Variants in ARHGAP11A observed in about 807,000 individuals in gnomAD.
ARHGAP11A encodes Rho GTPase activating protein 11A.
ARHGAP11A carries 36 observed loss-of-function variants against 60.5 expected under a neutral mutation model. The ratio of observed to expected loss-of-function variants is 0.59; its 90% CI spans 0.46 to 0.79. The LOEUF is 0.79. Ranked by LOEUF, ARHGAP11A falls within the 30% of genes least tolerant of loss-of-function variation. The pLI is 0.00. For missense variants in ARHGAP11A, 1,071 were observed against 1,199.2 expected (o/e 0.89, Z 1.58); for synonymous variants, 362 against 415.5 (o/e 0.87, Z 1.57).
rs2053790654 is a variant in ARHGAP11A at position 32,639,123 on chromosome 15, A to G, written c.*1278A>G. On this transcript the variant is annotated 3_prime_UTR_variant, in exon 12 of 12. Transcript: ENST00000361627. ...TTGTCAAGTAAATCTGTCTAAATTT[A>G]TATTTTAAATTATTACAAATTACAC... is the stretch of plus-strand genomic sequence containing the variant. The G allele has an allele frequency of 6.5e-6, 1 of 152,692 alleles. No homozygotes were observed. Among genetic ancestry groups the G allele is most frequent in the South Asian group, 2.1e-4 (1 of 4,834 alleles). The allele number at this position is 152,692 out of a possible 1,614,324, so 9.5% of individuals were successfully genotyped here. A position where few individuals can be genotyped will look rare whatever the true frequency, so the allele number is the denominator to read the frequency against.
Position 32,635,784 on chromosome 15 carries a change from G to A in ARHGAP11A, c.1352G>A (p.Cys451Tyr). ...LGKNGREVNG[C>Y]SGVNRYESVG... ...TTTTTTTTTTCTGTACAGAATGGATGTTCTGGTGTCAATAGATATGAAAGT... is the reference window on the plus strand; with the variant it reads ...TTTTTTTTTTCTGTACAGAATGGATATTCTGGTGTCAATAGATATGAAAGT... The change falls in exon 11 of 12, where the codon TGT (cysteine) becomes TAT (tyrosine). Residue 451 changes from cysteine to tyrosine, a missense_variant. By Grantham distance (194) the Cys-to-Tyr change is radical. Around this residue, in one of 4 missense-constraint regions of ARHGAP11A, gnomAD observed 776 missense variants for 760.2 expected, o/e 1.02. Transcript: ENST00000361627. 3 of 1,599,834 alleles carry A rather than the reference G, an allele frequency of 1.9e-6. No homozygotes were observed. The highest frequency in any genetic ancestry group is 2.6e-6 in the Non-Finnish European group (3 of 1,174,634).
rs1054490935 is a variant in ARHGAP11A at position 32,637,416 on chromosome 15, C to G, written c.2643C>G (p.Ser881=). 1 of 1,614,108 alleles carries G rather than the reference C, an allele frequency of 6.2e-7. No individual in the cohort carries two copies. The highest frequency in any genetic ancestry group is 8.5e-7 in the Non-Finnish European group (1 of 1,179,998). The stretch of plus-strand genomic sequence containing the variant: ...CAGTGAGCTGTGACGGTGCTCTTTC[C>G]TCTTGTATAGAAAGTGCATCAAAAG... ...VKSVSCDGAL[S]SCIESASKDS... is the part of the protein sequence containing the mutation. The change falls in exon 12 of 12, where the codon TCC becomes TCG. Residue 881 remains serine, a synonymous_variant. Transcript: ENST00000361627.
rs769682763 is a variant in ARHGAP11A, at chr15:32,636,549, C to T, written c.1776C>T (p.Thr592=). ...TTAGCGGGGATGAAAATAACATGAC[C>T]AAAGAGACTTTGGTGAAAGTTCAAA... is the stretch of plus-strand genomic sequence containing the variant. ...SPLSGDENNM[T]KETLVKVQKA... Residue 592 remains threonine, a synonymous_variant, in exon 12 of 12, where the codon ACC becomes ACT. Transcript: ENST00000361627. The T allele has an allele frequency of 1.2e-5, 20 of 1,613,928 alleles. No individual in the cohort carries two copies. Among genetic ancestry groups the T allele is most frequent in the Non-Finnish European group, 1.7e-5 (20 of 1,179,974 alleles).
chr15:32,626,749 TG>T (rs1322708782), intron 6 of ARHGAP11A, among the ~76,000 whole-genome samples: 5 of 152,266 alleles, frequency 3.3e-5, no homozygotes, highest in African/African-American at 1.2e-4. Flanking sequence ...TGCCTCTTCC[TG>T]GCTCCTGGTA....
At chr15:32,631,712 G>T in intron 8 of ARHGAP11A, among the ~76,000 whole-genome samples, 1 of 152,118 alleles carries the variant, frequency 6.6e-6, no homozygotes, top group Non-Finnish European at 1.5e-5. Context: ...GTCTCGCTCT[G>T]TCTCCCAGGC....
rs776718156 is a variant in ARHGAP11A, at chr15:32,636,606, C to T, written c.1833C>T (p.His611=). 22 of 1,613,906 alleles carry T rather than the reference C, an allele frequency of 1.4e-5. No homozygotes were observed. Among genetic ancestry groups the T allele is most frequent in the African/African-American group, 2.7e-5 (2 of 74,888 alleles). ...TTTCTGAATCTGGAAGTAATCTTCA[C>T]GCATTGATGAATCAGAGGCAGTCAT... ...KAFSESGSNL[H]ALMNQRQSSV... The change falls in exon 12 of 12, where the codon CAC becomes CAT. Residue 611 remains histidine, a synonymous_variant. Coordinates refer to ENST00000361627, the MANE Select transcript of ARHGAP11A (RefSeq NM_014783.6).
rs1047528786 is a variant in ARHGAP11A, at chr15:32,637,079, G to C, written c.2306G>C (p.Cys769Ser). ...TCCTCTTTCTCACAGCAGAGTACAT[G>C]TGTTGTAACAAACTTGTCAAAACCT... ...ARSSFSQQSTCVVTNLSKPRP... is the reference protein window; with the variant it reads ...ARSSFSQQSTSVVTNLSKPRP... Residue 769 changes from cysteine (C) to serine (S), a missense_variant, in exon 12 of 12, where the codon TGT becomes TCT. By Grantham distance (112) the Cys-to-Ser change is moderately radical. This residue lies in a region of ARHGAP11A where 776 missense variants were observed against 760.2 expected (regional missense o/e 1.02). Coordinates refer to ENST00000361627, the MANE Select transcript of ARHGAP11A (RefSeq NM_014783.6). 6.2e-7 allele frequency: 1 copy of C among 1,613,880 alleles called. No individual in the cohort carries two copies. Among genetic ancestry groups the C allele is most frequent in the Non-Finnish European group, 8.5e-7 (1 of 1,180,040 alleles).
chr15:32,632,996 T>C lies in ARHGAP11A; in HGVS notation c.1123T>C (p.Ser375Pro). Residue 375 changes from serine to proline, a missense_variant, in exon 9 of 12, where the codon TCA becomes CCA. By Grantham distance (74) the Ser-to-Pro change is moderately conservative. This residue lies in a region of ARHGAP11A where 776 missense variants were observed against 760.2 expected (regional missense o/e 1.02). Transcript: ENST00000361627. Reference protein sequence around the residue: ...TPVSVHIDTSSEGSSQSSLSP... With the variant: ...TPVSVHIDTSPEGSSQSSLSP... The stretch of plus-strand genomic sequence containing the variant: ...TTTTGTAGTTCACATCGATACAAGC[T>C]CAGAAGGGTCATCTCAGAGTTCACT... 2 of 1,613,698 alleles carry C rather than the reference T, an allele frequency of 1.2e-6. No individual in the cohort carries two copies. The highest frequency in any genetic ancestry group is 1.7e-6 in the Non-Finnish European group (2 of 1,179,730).
In ARHGAP11A at chr15:32,637,750, C is replaced by A. The variant is rs375059268; in HGVS notation, c.2977C>A (p.Pro993Thr). ...SGINNRVLRRPSERGRAWYKG... is the reference protein window; with the variant it reads ...SGINNRVLRRTSERGRAWYKG... ...GATAAATAACAGGGTCCTTAGGAGACCATCAGAAAGAGGAAGGGCCTGGTA... is the reference window on the plus strand; with the variant it reads ...GATAAATAACAGGGTCCTTAGGAGAACATCAGAAAGAGGAAGGGCCTGGTA... Residue 993 changes from proline (P) to threonine (T), a missense_variant, in exon 12 of 12, where the codon CCA becomes ACA. By Grantham distance (38) the Pro-to-Thr change is conservative. Around this residue, in one of 4 missense-constraint regions of ARHGAP11A, gnomAD observed 776 missense variants for 760.2 expected, o/e 1.02. Coordinates refer to ENST00000361627, the MANE Select transcript of ARHGAP11A (RefSeq NM_014783.6). 4.3e-6 allele frequency: 7 copies of A among 1,613,894 alleles called. No homozygotes were observed. Among genetic ancestry groups the A allele is most frequent in the Non-Finnish European group, 5.9e-6 (7 of 1,179,980 alleles).
At chr15:32,619,914 C>T (rs1054766391) in intron 1 of ARHGAP11A, among the ~76,000 whole-genome samples, 194 bp from the exon 2 acceptor site, 14 of 152,092 alleles carry the variant, frequency 9.2e-5, no homozygotes, top group African/African-American at 2.9e-4. Flanking sequence ...ACTCCCAGCA[C>T]TCAGCATACT....
rs62001773 is a variant in ARHGAP11A, at chr15:32,637,636, G to T, written c.2863G>T (p.Asp955Tyr). ...TTVYKQKILS[D>Y]GQVKVPLDDL... ...AGTTTATAAACAGAAGATCTTATCT[G>T]ATGGCCAAGTTAAGGTTCCCTTGGA... The change falls in exon 12 of 12, where the codon GAT becomes TAT. Residue 955 changes from aspartate (D) to tyrosine (Y), a missense_variant. Physicochemically the swap from Asp to Tyr is radical, Grantham distance 160. Around this residue, in one of 4 missense-constraint regions of ARHGAP11A, gnomAD observed 776 missense variants for 760.2 expected, o/e 1.02. Coordinates refer to ENST00000361627, the MANE Select transcript of ARHGAP11A (RefSeq NM_014783.6). The T allele has an allele frequency of 6.2e-7, 1 of 1,614,158 alleles. No homozygotes were observed. Among genetic ancestry groups the T allele is most frequent in the Admixed American group, 1.7e-5 (1 of 60,026 alleles).
chr15:32,628,534 A>C (rs1202237859), intron 6 of ARHGAP11A, among the ~76,000 whole-genome samples, 194 bp from the exon 7 acceptor site: 1 of 152,164 alleles, frequency 6.6e-6, no homozygotes, highest in African/African-American at 2.4e-5. Flanking sequence ...GGGATATGGA[A>C]GTATAAGTGG....
chr15:32,625,201 G>A lies in ARHGAP11A; in HGVS notation c.673G>A (p.Ala225Thr), dbSNP rs2053429735. 6.2e-7 allele frequency: 1 copy of A among 1,613,800 alleles called. No homozygotes were observed. The highest frequency in any genetic ancestry group is 1.3e-5 in the African/African-American group (1 of 75,004). Reference sequence around the variant, plus strand: ...CACAGAAAAGAAGCTACGATTACAGGCTGCAGTAGTACAGACTCTTATCGA... The same window carrying A: ...CACAGAAAAGAAGCTACGATTACAGACTGCAGTAGTACAGACTCTTATCGA... ...SNTEKKLRLQAAVVQTLIDYA... is the reference protein window; with the variant it reads ...SNTEKKLRLQTAVVQTLIDYA... Residue 225 changes from alanine to threonine, a missense_variant, in exon 5 of 12, where the codon GCT becomes ACT. Ala to Thr is a moderately conservative substitution (Grantham distance 58). Transcript: ENST00000361627.
At chr15:32,633,875 C>T (rs11632524) in intron 9 of ARHGAP11A, 58 bp from the exon 10 acceptor site, 725,877 of 1,019,970 alleles carry the variant, frequency 0.71, 259,984 homozygotes, top group Admixed American at 0.76. Flanking sequence ...TTTCGTATTT[C>T]AAGTATTTCT....
chr15:32,632,692 G>A (rs2053612284), intron 8 of ARHGAP11A: 1 of 209,212 alleles, frequency 4.8e-6, no homozygotes, highest in Admixed American at 5.4e-5. Flanking sequence ...AGTCTGCAAT[G>A]GTGCCTATCC....
At chr15:32,616,541 A>G (rs980910428) in intron 1 of ARHGAP11A, among the ~76,000 whole-genome samples, 2 of 152,194 alleles carry the variant, frequency 1.3e-5, no homozygotes, top group Non-Finnish European at 2.9e-5. Context: ...GATCATTGAG[A>G]GAAAGTTGCA....
intron 6 of ARHGAP11A, 63 bp downstream of exon 6, chr15:32,625,696 A>G: frequency 6.4e-7 from 1 of 1,561,232 alleles, no homozygotes; most frequent in Non-Finnish European, 8.7e-7. Context: ...TACATTTCAC[A>G]TAAAGAAGCA....
chr15:32,621,620 TC>T (rs2053310352), intron 2 of ARHGAP11A, among the ~76,000 whole-genome samples: 1 of 152,284 alleles, frequency 6.6e-6, no homozygotes, highest in Admixed American at 6.5e-5. Flanking sequence ...GGTCAGGAGA[TC>T]CAGACCTTCC....
In ARHGAP11A at chr15:32,634,061, A is replaced by T; in HGVS notation, c.1344+20A>T. The T allele has an allele frequency of 1.3e-6, 2 of 1,508,710 alleles. No homozygotes were observed. The highest frequency in any genetic ancestry group is 1.8e-6 in the Non-Finnish European group (2 of 1,102,162). 93.5% of individuals were successfully genotyped at this position (1,508,710 alleles called of 1,614,324 possible). Reference sequence around the variant, plus strand: ...GAAGTAGTAAGTTTCTTACCATTTTATTGATCTTTATATTAGCATAACGCT... The same window carrying T: ...GAAGTAGTAAGTTTCTTACCATTTTTTTGATCTTTATATTAGCATAACGCT... On this transcript the variant is annotated intron_variant, in intron 10 of 11. Coordinates refer to ENST00000361627, the MANE Select transcript of ARHGAP11A (RefSeq NM_014783.6).
Sources: allele counts gnomAD v4.1 joint callset (sites outside exome capture counted in the v4.1 genomes callset), GRCh38; gene constraint gnomAD v4.1.1; regional missense constraint gnomAD v4.1.1; transcripts MANE v1.5; gene names NCBI Gene and HGNC (gene_info 2026-07-23, HGNC 2026-07-21).